HCN2: variants seen among roughly 807,000 people sequenced by gnomAD.
HCN2 encodes the protein hyperpolarization activated cyclic nucleotide gated potassium and sodium channel 2, also known as potassium/sodium hyperpolarization-activated cyclic nucleotide-gated channel 2.
A neutral mutation model predicts 52.3 loss-of-function variants in HCN2; 20 were observed. The ratio of observed to expected loss-of-function variants is 0.38; its 90% confidence interval spans 0.27 to 0.56. The LOEUF (loss-of-function observed/expected upper bound fraction) is 0.56. Ranked by LOEUF, HCN2 falls within the 20% of genes least tolerant of loss-of-function variation. The pLI, the probability that HCN2 is intolerant of heterozygous loss-of-function variation, is 0.71. For missense variants in HCN2, 981 were observed against 1,207.7 expected (o/e 0.81, Z 2.78); for synonymous variants, 694 against 537.0 (o/e 1.29, Z -4.04).
chr19:609,252 CG>C (rs771511087), intron 4 of HCN2, among the ~76,000 whole-genome samples: 1 of 152,164 alleles, frequency 6.6e-6, no homozygotes, highest in African/African-American at 2.4e-5. Context: ...CTGGAGCTGC[CG>C]GGGGGCACCG....
Position 590,235 on chromosome 19 carries a change from G to C in HCN2, c.290G>C (p.Ser97Thr). Residue 97 changes from serine to threonine, a missense_variant, in exon 1 of 8, where the codon AGC (serine) becomes ACC (threonine). Physicochemically the swap from Ser to Thr is moderately conservative, Grantham distance 58. Transcript: ENST00000251287. The surrounding 1 kb of genome is among the most constrained non-coding windows in gnomAD (Gnocchi z 7.2). ...TPGAASTAKG[S>T]PNGECGRGEP... Reference sequence around the variant, plus strand: ...GGCGCGGCGAGCACGGCCAAGGGCAGCCCGAACGGCGAGTGCGGGCGCGGC... The same window carrying C: ...GGCGCGGCGAGCACGGCCAAGGGCACCCCGAACGGCGAGTGCGGGCGCGGC... 1.0e-6 allele frequency: 1 copy of C among 988,966 alleles called. No individual in the cohort carries two copies. The highest frequency in any genetic ancestry group is 1.2e-6 in the Non-Finnish European group (1 of 833,926). The allele number at this position is 988,966 out of a possible 1,614,324, so 61.3% of individuals were successfully genotyped here.
intron 7 of HCN2, among the ~76,000 whole-genome samples, chr19:615,547 T>C (rs1454129442): frequency 1.3e-5 from 2 of 152,128 alleles, no homozygotes; most frequent in Non-Finnish European, 2.9e-5. Flanking sequence ...CTGCTTTCTG[T>C]ATGCAGGTGC....
intron 4 of HCN2, 41 bp downstream of exon 4, chr19:608,223 A>T (rs1282607544): frequency 6.4e-7 from 1 of 1,569,234 alleles, no homozygotes; most frequent in South Asian, 1.1e-5. Context: ...CTGATGGGGG[A>T]GGCGGGCCTG....
At chr19:610,563 C>T (rs933657414) in intron 5 of HCN2, among the ~76,000 whole-genome samples, 158 bp downstream of exon 5, 6 of 152,094 alleles carry the variant, frequency 3.9e-5, no homozygotes, top group Non-Finnish European at 8.8e-5. Context: ...CCTCCCCGCC[C>T]CGTGAGCCTC....
Position 590,689 on chromosome 19 carries a change from C to G in HCN2, c.632+112C>G. Reference sequence around the variant, plus strand: ...CGGGGCGGCGCGCCGGGCCGGTGACCTCGGGGCTCCTCGGTGACCTCGGGC... The same window carrying G: ...CGGGGCGGCGCGCCGGGCCGGTGACGTCGGGGCTCCTCGGTGACCTCGGGC... On this transcript the variant is annotated intron_variant, in intron 1 of 7. Transcript: ENST00000251287. This position sits in a 1 kb window ranked among gnomAD's most constrained non-coding sequence, Gnocchi z 7.2. 1 of 780,604 alleles carries G rather than the reference C, an allele frequency of 1.3e-6. No homozygotes were observed. Among genetic ancestry groups the G allele is most frequent in the Non-Finnish European group, 1.7e-6 (1 of 584,300 alleles). 48.4% of individuals were successfully genotyped at this position (780,604 alleles called of 1,614,324 possible). A position where few individuals can be genotyped will look rare whatever the true frequency, so the allele number is the denominator to read the frequency against.
chr19:599,713 T>A (rs1441175083), intron 1 of HCN2, among the ~76,000 whole-genome samples: 1 of 151,780 alleles, frequency 6.6e-6, no homozygotes, highest in East Asian at 1.9e-4. Flanking sequence ...GTGTGAACCC[T>A]GGAGGCGGAG....
chr19:608,369 T>TGAGGG (rs1983494755), intron 4 of HCN2, among the ~76,000 whole-genome samples, 187 bp downstream of exon 4: 3 of 127,634 alleles, frequency 2.4e-5, no homozygotes, highest in Non-Finnish European at 3.6e-5. Flanking sequence ...TCCCGGGGTC[T>TGAGGG]GAGGGGAGGG....
Position 614,030 on chromosome 19 carries a change from G to C in HCN2, c.1990+14G>C. On this transcript the variant is annotated intron_variant, in intron 7 of 7. Coordinates refer to ENST00000251287, the MANE Select transcript of HCN2 (RefSeq NM_001194.4). ...TGGACCGCATCGGTGAGCGGGCCGG[G>C]GGCGTGGCCGGGGCGGGTGCCCTGG... is the stretch of plus-strand genomic sequence containing the variant. The C allele has an allele frequency of 6.4e-7, 1 of 1,558,066 alleles. No homozygotes were observed.
chr19:607,746 G>T (rs953490189), intron 3 of HCN2, among the ~76,000 whole-genome samples: 1 of 152,202 alleles, frequency 6.6e-6, no homozygotes, highest in Non-Finnish European at 1.5e-5. Flanking sequence ...GGAGTGAAGC[G>T]GGCAGGTAGA....
chr19:616,205 G>GC lies in HCN2; in HGVS notation c.2407dup (p.Leu803ProfsTer?). ...CTCGCCCTACGGCGGCCTGCCCGCC[G>GC]CCCCCCTTGCTGGGCCCGCCCTGCC... On this transcript the variant is annotated frameshift_variant, in exon 8 of 8. Coordinates refer to ENST00000251287, the MANE Select transcript of HCN2 (RefSeq NM_001194.4). LOFTEE classifies it low-confidence loss of function (END_TRUNC). 3.1e-6 allele frequency: 3 copies of GC among 973,516 alleles called. No homozygotes were observed. Among genetic ancestry groups the GC allele is most frequent in the East Asian group, 1.2e-4 (1 of 8,156 alleles). 60.3% of individuals were successfully genotyped at this position (973,516 alleles called of 1,614,324 possible).
chr19:610,188 A>G, intron 4 of HCN2, 71 bp from the exon 5 acceptor site: 2 of 1,549,688 alleles, frequency 1.3e-6, no homozygotes, highest in Non-Finnish European at 1.8e-6. Context: ...TCCCCACAGT[A>G]CAAGCAGGTG....
rs1983299184 is a variant in HCN2 at position 603,777 on chromosome 19, C to A, written c.866C>A (p.Thr289Lys). The change falls in exon 2 of 8, where the codon ACG becomes AAG. Residue 289 changes from threonine (T) to lysine (K), a missense_variant. Around this residue, in one of 6 missense-constraint regions of HCN2, gnomAD observed 282 missense variants for 553.8 expected, o/e 0.51. Coordinates refer to ENST00000251287, the MANE Select transcript of HCN2 (RefSeq NM_001194.4). ...PEKIKKKYLR[T>K]WFVVDFVSSI... ...AAGATCAAGAAGAAGTATCTGCGCA[C>A]GTGGTTCGTGGTGGACTTCGTGTCC... is the stretch of plus-strand genomic sequence containing the variant. 1 of 1,612,744 alleles carries A rather than the reference C, an allele frequency of 6.2e-7. No homozygotes were observed. Among genetic ancestry groups the A allele is most frequent in the African/African-American group, 1.3e-5 (1 of 74,878 alleles).
chr19:610,845 G>GCGGAGATT (rs1983601721), intron 5 of HCN2, among the ~76,000 whole-genome samples: 1 of 152,126 alleles, frequency 6.6e-6, no homozygotes. Flanking sequence ...GGCTTGAACA[G>GCGGAGATT]CGGAGATTCG....
At position 606,668 on chromosome 19, in the gene HCN2, C is replaced by A. The variant is rs1027291752; in HGVS notation, c.1219-1296C>A. Among the ~76,000 whole-genome samples, 5 of 151,376 alleles carry A rather than the reference C, an allele frequency of 3.3e-5. No individual in the cohort carries two copies. The East Asian group carries it at 9.9e-4, about 30-fold the overall frequency. On this transcript the variant is annotated intron_variant, in intron 3 of 7. Coordinates refer to ENST00000251287, the MANE Select transcript of HCN2 (RefSeq NM_001194.4). ...AGGAGTTTGAGACCAGCCTGACCAA[C>A]ATGCTGAAACCCCGTCTCTACTAAA...
rs368874180 is a variant in HCN2, at chr19:592,403, G to C, written c.632+1826G>C. Among the ~76,000 whole-genome samples, 9 of 152,304 alleles carry C rather than the reference G, an allele frequency of 5.9e-5. No individual in the cohort carries two copies. Among genetic ancestry groups the C allele is most frequent in the African/African-American group, 2.2e-4 (9 of 41,558 alleles). On this transcript the variant is annotated intron_variant, in intron 1 of 7. Transcript: ENST00000251287. This position sits in a 1 kb window ranked among gnomAD's most constrained non-coding sequence, Gnocchi z 4.8. ...GGCAGATGGCTGATCCCGGGGCTTG[G>C]GGGGAAGGCCGGTGGTAGGAGTGAA...
intron 7 of HCN2, among the ~76,000 whole-genome samples, chr19:615,449 C>G (rs1007253141): frequency 1.3e-5 from 2 of 152,242 alleles, no homozygotes; most frequent in South Asian, 2.1e-4. Flanking sequence ...GGGAGGTGGA[C>G]CTTGCAGTGG....
intron 5 of HCN2, among the ~76,000 whole-genome samples, chr19:610,783 G>A (rs1983598451): frequency 6.6e-6 from 1 of 152,212 alleles, no homozygotes; most frequent in South Asian, 2.1e-4. Flanking sequence ...TAGCCTGAGT[G>A]ACCCTGGGCA....
intron 7 of HCN2, among the ~76,000 whole-genome samples, chr19:614,838 G>T (rs1424781300): frequency 6.6e-6 from 1 of 152,190 alleles, no homozygotes; most frequent in Non-Finnish European, 1.5e-5. Context: ...GGCAGGGAGG[G>T]GCAGAGCCCT....
Position 607,885 on chromosome 19 carries a change from G to T in HCN2, c.1219-79G>T, listed in dbSNP as rs1983473662. 3.5e-5 allele frequency: 37 copies of T among 1,061,166 alleles called. 1 individual carries two copies. In the South Asian group the frequency reaches 5.2e-4, roughly 15 times the overall value. 65.7% of individuals were successfully genotyped at this position (1,061,166 alleles called of 1,614,324 possible). On this transcript the variant is annotated intron_variant, in intron 3 of 7. Transcript: ENST00000251287. ...CCACCTCCAGTGCTTGGCAGAGGGTGGGCGCTGGGCCCTTGAGGACCGAGG... is the reference window on the plus strand; with the variant it reads ...CCACCTCCAGTGCTTGGCAGAGGGTTGGCGCTGGGCCCTTGAGGACCGAGG...
Sources: gnomAD v4.1 joint callset for allele counts (sites outside exome capture counted in the v4.1 genomes callset) on GRCh38, gnomAD v4.1.1 for gene constraint, gnomAD v4.1.1 regional missense constraint, Gnocchi (gnomAD v3.1) non-coding constraint, MANE v1.5 for transcripts, NCBI Gene and HGNC (gene_info 2026-07-23, HGNC 2026-07-21) for gene names.